The following NCAM1 variants were observed in gnomAD, a reference collection of about 807,000 sequenced individuals.
NCAM1 encodes antigen recognized by monoclonal antibody 5.1H11.
Under a neutral mutation model 109.8 loss-of-function variants are expected in NCAM1, and 14 were observed. That is an observed-to-expected ratio of 0.13 (90% CI 0.08 to 0.20). The LOEUF (loss-of-function observed/expected upper bound fraction) is 0.20, where lower values mean the gene tolerates loss of function less well. Ranked by LOEUF, NCAM1 falls within the 10% of genes least tolerant of loss-of-function variation. NCAM1 has a pLI of 1.00. For synonymous variants in NCAM1, 418 were observed against 442.9 expected, an observed-to-expected ratio of 0.94 and a Z score of 0.70; for missense variants, 774 against 1,109.9, an observed-to-expected ratio of 0.70 and a Z score of 4.30.
intron 16 of NCAM1, among the ~76,000 whole-genome samples, chr11:113,256,759 G>A (rs1945844691): frequency 2.0e-5 from 3 of 151,792 alleles, no homozygotes; most frequent in African/African-American, 7.3e-5. Flanking sequence ...TTTCCATTTT[G>A]GTTTTAGAAT....
At chr11:113,269,737 C>A in intron 17 of NCAM1, 1 of 216,972 alleles carries the variant, frequency 4.6e-6, no homozygotes, top group Non-Finnish European at 9.3e-6. Flanking sequence ...CCCAGGAACC[C>A]TCCACCACCC....
chr11:112,962,504 G>A lies in NCAM1; in HGVS notation c.52+840G>A, dbSNP rs1359036737. On this transcript the variant is annotated intron_variant, in intron 1 of 19. Coordinates refer to ENST00000316851, the MANE Select transcript of NCAM1 (RefSeq NM_181351.5). The surrounding 1 kb of genome is among the most constrained non-coding windows in gnomAD (Gnocchi z 5.6). ...GCGTGCCCAGTGTTGCACGGGGCGG[G>A]AGAAGAATGGCAGGTAGCCGCCCGA... Among the ~76,000 whole-genome samples, 1 of 152,038 alleles carries A rather than the reference G, an allele frequency of 6.6e-6. No individual in the cohort carries two copies. Among genetic ancestry groups the A allele is most frequent in the African/African-American group, 2.4e-5 (1 of 41,410 alleles).
At chr11:113,202,691 A>T (rs1944105826) in intron 2 of NCAM1, among the ~76,000 whole-genome samples, 1 of 152,222 alleles carries the variant, frequency 6.6e-6, no homozygotes, top group Non-Finnish European at 1.5e-5. Context: ...CTACAGAGGA[A>T]GTCTAGGAGT....
At chr11:113,172,887 G>T (rs1312333308) in intron 1 of NCAM1, among the ~76,000 whole-genome samples, 1 of 152,180 alleles carries the variant, frequency 6.6e-6, no homozygotes, top group South Asian at 2.1e-4. Flanking sequence ...GAGCCTGGCA[G>T]CTGTGTTTTG....
At chr11:113,263,090 C>T in intron 17 of NCAM1, 1 of 1,362,436 alleles carries the variant, frequency 7.3e-7, no homozygotes, top group African/African-American at 1.5e-5. Flanking sequence ...TACCTCCAGA[C>T]ATGTCACCAC....
chr11:113,255,727 T>C (rs1351939454), intron 15 of NCAM1, 150 bp from the exon 16 acceptor site: 1 of 876,098 alleles, frequency 1.1e-6, no homozygotes, highest in Non-Finnish European at 1.7e-6. Context: ...TACCTGGAAT[T>C]CAGTTTTATA....
chr11:113,240,809 CCT>C (rs1555118999), intron 14 of NCAM1: 2 of 1,613,790 alleles, frequency 1.2e-6, no homozygotes, highest in East Asian at 2.2e-5. Context: ...CTCGTCTACC[CCT>C]GTTCCATTGT....
Position 113,232,347 on chromosome 11 carries a change from A to C in NCAM1, c.1418A>C (p.Tyr473Ser), listed in dbSNP as rs186683121. The change falls in exon 11 of 20, where the codon TAT (tyrosine) becomes TCT (serine). Residue 473 changes from tyrosine to serine, a missense_variant. This residue lies in a region of NCAM1 where 523 missense variants were observed against 784.2 expected (regional missense o/e 0.67). Coordinates refer to ENST00000316851, the MANE Select transcript of NCAM1 (RefSeq NM_181351.5). ...ATCTACAACACCCCCTCTGCCAGCTATCTGGAGGTGAGTCAGGATGGGGGT... is the reference window on the plus strand; with the variant it reads ...ATCTACAACACCCCCTCTGCCAGCTCTCTGGAGGTGAGTCAGGATGGGGGT... ...IKIYNTPSASYLEVTPDSEND... is the reference protein window; with the variant it reads ...IKIYNTPSASSLEVTPDSEND... 1,458 of 1,608,402 alleles carry C rather than the reference A, an allele frequency of 9.1e-4. 8 individuals are homozygous for C. The African/African-American group carries it at 0.01, about 11-fold the overall frequency.
At chr11:112,970,525 A>C (rs1264954891) in intron 1 of NCAM1, among the ~76,000 whole-genome samples, 1 of 152,200 alleles carries the variant, frequency 6.6e-6, no homozygotes, top group South Asian at 2.1e-4. Flanking sequence ...CATTGGGCTT[A>C]GATTCGAAAG....
At chr11:113,222,598 C>T (rs1186336307) in intron 9 of NCAM1, among the ~76,000 whole-genome samples, 1 of 152,100 alleles carries the variant, frequency 6.6e-6, no homozygotes, top group African/African-American at 2.4e-5. Context: ...AGTCATGGAC[C>T]CACTGGGATT....
At position 112,978,337 on chromosome 11, in the gene NCAM1, C is replaced by T. The variant is rs143666259; in HGVS notation, c.52+16673C>T. ...TAAGTGTTATTGTTTTTAGAAAATA[C>T]GTGATTCGGTTAATGCCTGGAAGAT... On this transcript the variant is annotated intron_variant, in intron 1 of 19. Coordinates refer to ENST00000316851, the MANE Select transcript of NCAM1 (RefSeq NM_181351.5). 1.2e-3 allele frequency among the ~76,000 whole-genome samples: 178 copies of T among 151,778 alleles called. 1 individual carries two copies. The highest frequency in any genetic ancestry group is 4.1e-3 in the African/African-American group (170 of 41,478).
chr11:113,187,379 G>A (rs2136667443), intron 1 of NCAM1, among the ~76,000 whole-genome samples: 1 of 152,266 alleles, frequency 6.6e-6, no homozygotes, highest in Admixed American at 6.5e-5. Context: ...AGCAGTCTTT[G>A]ATGTGGTGGT....
intron 1 of NCAM1, among the ~76,000 whole-genome samples, chr11:113,099,288 A>G (rs961441686): frequency 1.3e-5 from 2 of 152,154 alleles, no homozygotes; most frequent in African/African-American, 4.8e-5. Flanking sequence ...GAGAAATCAG[A>G]GATAAAGAAT....
chr11:113,271,809 A>G lies in NCAM1; in HGVS notation c.2389A>G (p.Arg797Gly). The change falls in exon 19 of 20, where the codon AGG (arginine) becomes GGG (glycine). Residue 797 changes from arginine (R) to glycine (G), a missense_variant. Arg to Gly is a moderately radical substitution (Grantham distance 125). Coordinates refer to ENST00000316851, the MANE Select transcript of NCAM1 (RefSeq NM_181351.5). ...CGTGGAGGTTCGAACGGAGGAGGAG[A>G]GGACCCCAAACCATGATGGAGGGAA... ...PIVEVRTEEE[R>G]TPNHDGGKHT... 1.3e-6 allele frequency: 2 copies of G among 1,571,556 alleles called. No homozygotes were observed. Among genetic ancestry groups the G allele is most frequent in the Non-Finnish European group, 8.6e-7 (1 of 1,158,724 alleles).
chr11:113,036,842 G>A (rs1555079251), intron 1 of NCAM1, among the ~76,000 whole-genome samples: 1 of 152,096 alleles, frequency 6.6e-6, no homozygotes, highest in African/African-American at 2.4e-5. Context: ...GGTCCCGGGG[G>A]CACCCACATC....
chr11:113,123,530 G>A (rs1941052803), intron 1 of NCAM1, among the ~76,000 whole-genome samples: 1 of 152,154 alleles, frequency 6.6e-6, no homozygotes, highest in South Asian at 2.1e-4. Flanking sequence ...GGCGGAGATA[G>A]TGTCTCTCAC....
chr11:113,231,394 C>A, intron 9 of NCAM1: 2 of 1,193,480 alleles, frequency 1.7e-6, no homozygotes, highest in South Asian at 1.4e-5. Context: ...GTACTTAGAT[C>A]AGGCTGCCTG....
intron 17 of NCAM1, 46 bp downstream of exon 17, chr11:113,260,369 C>A: frequency 6.3e-7 from 1 of 1,582,408 alleles, no homozygotes; most frequent in Admixed American, 1.7e-5. Flanking sequence ...TGAATTAATG[C>A]ACAAGTGCTG....
rs185955210 is a variant in NCAM1, at chr11:113,225,178, A to G, written c.1089+3853A>G. Among the ~76,000 whole-genome samples the G allele has an allele frequency of 9.9e-5, 15 of 152,274 alleles. No homozygotes were observed. The East Asian group carries it at 2.7e-3, about 27-fold the overall frequency. On this transcript the variant is annotated intron_variant, in intron 9 of 19. Transcript: ENST00000316851. ...CGAACCCATGGCAAAGAAGTCAAAA[A>G]CCTTGAAAAAAGATTAGACAAATGG...
Sources: allele counts gnomAD v4.1 joint callset (sites outside exome capture counted in the v4.1 genomes callset), GRCh38; gene constraint gnomAD v4.1.1; regional missense constraint gnomAD v4.1.1; non-coding constraint Gnocchi (gnomAD v3.1); transcripts MANE v1.5; gene names NCBI Gene and HGNC (gene_info 2026-07-23, HGNC 2026-07-21).